The following CDH18 variants were observed in gnomAD, a reference collection of about 807,000 sequenced individuals.
CDH18 encodes cadherin-18.
Under a neutral mutation model 67.9 loss-of-function variants are expected in CDH18, and 31 were observed. The observed-to-expected ratio is 0.46, with a 90% CI of 0.34 to 0.62. The LOEUF is 0.62. Among genes scored for constraint, CDH18 ranks in the 20% least tolerant of loss-of-function variants. CDH18 has a pLI of 0.01. For missense variants in CDH18, 890 were observed against 975.5 expected (o/e 0.91, Z 1.17); for synonymous variants, 362 against 347.2 (o/e 1.04, Z -0.48).
intron 1 of CDH18, among the ~76,000 whole-genome samples, chr5:20,375,749 T>C (rs1183425138): frequency 6.6e-6 from 1 of 152,162 alleles, no homozygotes; most frequent in Non-Finnish European, 1.5e-5. Flanking sequence ...CTATGTATTG[T>C]TTCTTTCTCT....
At chr5:20,410,875 C>A (rs1454586464) in intron 1 of CDH18, among the ~76,000 whole-genome samples, 1 of 151,526 alleles carries the variant, frequency 6.6e-6, no homozygotes, top group Non-Finnish European at 1.5e-5. Context: ...GAATAAAATA[C>A]TTAAGAATAA....
At chr5:20,496,392 T>C (rs1753907672) in intron 1 of CDH18, among the ~76,000 whole-genome samples, 1 of 152,114 alleles carries the variant, frequency 6.6e-6, no homozygotes, top group Non-Finnish European at 1.5e-5. Flanking sequence ...ATTCATGATT[T>C]TTAGGATAAA....
In CDH18 at chr5:20,388,837, G is replaced by C. The variant is rs539667744; in HGVS notation, c.-579-133332C>G. ...TAGTCATTCAGGAGCAGGTTGTTCAGTTTCCATGTATTTGAGCGGTTTTGA... is the reference window on the plus strand; with the variant it reads ...TAGTCATTCAGGAGCAGGTTGTTCACTTTCCATGTATTTGAGCGGTTTTGA... On this transcript the variant is annotated intron_variant, in intron 1 of 14. Transcript: ENST00000507958. Among the ~76,000 whole-genome samples the C allele has an allele frequency of 5.9e-5, 9 of 152,290 alleles. No individual in the cohort carries two copies. In the East Asian group the frequency reaches 1.7e-3, roughly 29 times the overall value.
At chr5:20,450,842 T>G (rs111554415) in intron 1 of CDH18, among the ~76,000 whole-genome samples, 4,432 of 152,250 alleles carry the variant, frequency 0.029, 220 homozygotes, top group African/African-American at 0.1. Context: ...TGACTCACAG[T>G]TCCACATGGC....
chr5:19,879,360 A>C (rs1787372134), intron 2 of CDH18, among the ~76,000 whole-genome samples: 1 of 152,104 alleles, frequency 6.6e-6, no homozygotes, highest in Non-Finnish European at 1.5e-5. Flanking sequence ...AGCACATATT[A>C]ATACATTAAA....
Position 19,838,842 on chromosome 5 carries a change from G to A in CDH18, c.145C>T (p.His49Tyr). 1 of 1,614,016 alleles carries A rather than the reference G, an allele frequency of 6.2e-7. No individual in the cohort carries two copies. The highest frequency in any genetic ancestry group is 2.2e-5 in the East Asian group (1 of 44,834). The change falls in exon 3 of 13, where the codon CAT becomes TAT. Residue 49 changes from histidine to tyrosine, a missense_variant. His to Tyr is a moderately conservative substitution (Grantham distance 83). This residue lies in a region of CDH18 where 234 missense variants were observed against 307.4 expected (regional missense o/e 0.76). Coordinates refer to ENST00000382275, the MANE Select transcript of CDH18 (RefSeq NM_004934.5). ...KHIEGETEVH[H>Y]RPKRGWVWNQ... ...CATACCCATCCCCTTTTGGGACGAT[G>A]ATGGACTTCGGTTTCACCTTCAATG...
At chr5:20,197,521 C>T (rs1022400071) in intron 2 of CDH18, among the ~76,000 whole-genome samples, 7 of 152,116 alleles carry the variant, frequency 4.6e-5, no homozygotes, top group Non-Finnish European at 5.9e-5. Flanking sequence ...ATGACAATTA[C>T]GACTCAAGAA....
intron 2 of CDH18, among the ~76,000 whole-genome samples, chr5:20,101,365 G>A (rs534300892): frequency 3.2e-4 from 49 of 152,124 alleles, no homozygotes; most frequent in Non-Finnish European, 6.0e-4. Flanking sequence ...ATTCAGAAAA[G>A]TCTCATAGAC....
intron 1 of CDH18, among the ~76,000 whole-genome samples, chr5:20,356,753 C>CTATATATA (rs35935150): frequency 1.2e-4 from 15 of 121,544 alleles, no homozygotes; most frequent in African/African-American, 4.1e-4. Context: ...CTCTCTCTCT[C>CTATATATA]TATATATATA....
intron 1 of CDH18, among the ~76,000 whole-genome samples, chr5:20,398,129 T>G (rs1745433093): frequency 6.6e-6 from 1 of 152,278 alleles, no homozygotes; most frequent in South Asian, 2.1e-4. Context: ...TCATGAATAA[T>G]TCATCATTTT....
chr5:20,487,354 C>A (rs1753263559), intron 1 of CDH18, among the ~76,000 whole-genome samples: 2 of 146,410 alleles, frequency 1.4e-5, no homozygotes, highest in African/African-American at 5.0e-5. Context: ...ATGTATAAAC[C>A]TATATATATA....
At chr5:19,570,082 C>T (rs952540294) in intron 8 of CDH18, among the ~76,000 whole-genome samples, 5 of 151,980 alleles carry the variant, frequency 3.3e-5, no homozygotes, top group African/African-American at 9.7e-5. Context: ...TAAAGAAAGC[C>T]TCATTTGTAC....
At chr5:19,790,482 C>A (rs968449921) in intron 3 of CDH18, among the ~76,000 whole-genome samples, 2 of 152,040 alleles carry the variant, frequency 1.3e-5, no homozygotes, top group Admixed American at 1.3e-4. Context: ...AGTGATGAAT[C>A]CAGCTGCTGA....
At chr5:20,463,205 T>G (rs949442913) in intron 1 of CDH18, among the ~76,000 whole-genome samples, 4 of 143,420 alleles carry the variant, frequency 2.8e-5, no homozygotes, top group Admixed American at 2.1e-4. Context: ...CATTATACAT[T>G]TGAACTCACT....
chr5:20,338,860 A>G (rs1050810939), intron 1 of CDH18, among the ~76,000 whole-genome samples: 1 of 152,170 alleles, frequency 6.6e-6, no homozygotes, highest in Non-Finnish European at 1.5e-5. Context: ...TAAAAAGGCA[A>G]CTAGGCTAGG....
chr5:19,516,388 CT>C (rs934231156), intron 10 of CDH18, among the ~76,000 whole-genome samples: 30 of 152,190 alleles, frequency 2.0e-4, no homozygotes, highest in African/African-American at 7.2e-4. Context: ...AGGATTCCCT[CT>C]TTTTCTATTG....
intron 1 of CDH18, among the ~76,000 whole-genome samples, chr5:20,471,256 G>A (rs1410076310): frequency 1.3e-5 from 2 of 151,962 alleles, no homozygotes; most frequent in African/African-American, 4.8e-5. Context: ...TTCTCTGCTT[G>A]TTCATTCTCT....
chr5:20,480,190 G>A (rs1752695744), intron 1 of CDH18, among the ~76,000 whole-genome samples: 1 of 152,150 alleles, frequency 6.6e-6, no homozygotes, highest in Non-Finnish European at 1.5e-5. Context: ...GAAAGTATTT[G>A]AAGGTAAAAA....
intron 2 of CDH18, among the ~76,000 whole-genome samples, chr5:20,036,699 T>C (rs1351195887): frequency 2.6e-5 from 4 of 152,114 alleles, no homozygotes; most frequent in Admixed American, 6.6e-5. Flanking sequence ...ATCTGTCTAA[T>C]ATTGACAGTG....
Sources: gnomAD v4.1 joint callset for allele counts (sites outside exome capture counted in the v4.1 genomes callset) on GRCh38, gnomAD v4.1.1 for gene constraint, gnomAD v4.1.1 regional missense constraint, MANE v1.5 for transcripts, NCBI Gene and HGNC (gene_info 2026-07-23, HGNC 2026-07-21) for gene names.